CLASP2: variants seen among roughly 807,000 people sequenced by gnomAD.
CLASP2 encodes the protein CLIP-associating protein 2.
A neutral mutation model predicts 194.4 loss-of-function variants in CLASP2; 47 were observed. The observed-to-expected ratio is 0.24, with a 90% confidence interval of 0.19 to 0.31. The LOEUF is 0.31. Ranked by LOEUF, CLASP2 falls within the 10% of genes least tolerant of loss-of-function variation. The pLI is 1.00. For synonymous variants in CLASP2, 619 were observed against 633.5 expected (o/e 0.98, Z 0.34); for missense variants, 1,445 against 1,823.6 (o/e 0.79, Z 3.78).
chr3:33,526,789 C>G (rs2154119403), intron 34 of CLASP2, among the ~76,000 whole-genome samples: 1 of 152,164 alleles, frequency 6.6e-6, no homozygotes, highest in South Asian at 2.1e-4. Flanking sequence ...AAGCTTGGAC[C>G]ACAGCACAAT....
intron 6 of CLASP2, among the ~76,000 whole-genome samples, chr3:33,682,105 CA>C (rs1337545230): frequency 2.0e-5 from 3 of 152,110 alleles, no homozygotes; most frequent in African/African-American, 7.2e-5. Context: ...AATCATGAGC[CA>C]AATAAACGTC....
chr3:33,507,764 G>A (rs573524003), intron 37 of CLASP2, among the ~76,000 whole-genome samples: 6 of 152,182 alleles, frequency 3.9e-5, no homozygotes, highest in South Asian at 2.1e-4. Flanking sequence ...GTTTACAGGC[G>A]TGAGCCACCA....
At chr3:33,712,579 C>T (rs1010559659) in intron 1 of CLASP2, among the ~76,000 whole-genome samples, 2 of 151,966 alleles carry the variant, frequency 1.3e-5, no homozygotes, top group Non-Finnish European at 2.9e-5. Flanking sequence ...ACAGATGTCA[C>T]GTGGGGTGGT....
intron 8 of CLASP2, among the ~76,000 whole-genome samples, chr3:33,634,115 A>G (rs1311943439): frequency 1.3e-5 from 2 of 152,236 alleles, no homozygotes. Context: ...GATCACCTAG[A>G]AAGGAACAAC....
At chr3:33,695,835 T>C (rs1177036105) in intron 2 of CLASP2, among the ~76,000 whole-genome samples, 1 of 152,172 alleles carries the variant, frequency 6.6e-6, no homozygotes, top group Non-Finnish European at 1.5e-5. Flanking sequence ...TACCCTTCTA[T>C]ATGCTATATA....
At position 33,718,091 on chromosome 3, in the gene CLASP2, C is replaced by T; in HGVS notation, c.-89G>A. On this transcript the variant is annotated 5_prime_UTR_variant, in exon 1 of 39. Coordinates refer to ENST00000682230, the MANE Select transcript of CLASP2 (RefSeq NM_001365631.1). Reference sequence around the variant, plus strand: ...CCTCCAGTGCGGGTCCCCGCGGGAGCGGGCGGGACTCACTTAGCCCGCCAG... The same window carrying T: ...CCTCCAGTGCGGGTCCCCGCGGGAGTGGGCGGGACTCACTTAGCCCGCCAG... 2.2e-6 allele frequency: 3 copies of T among 1,347,974 alleles called. No individual in the cohort carries two copies. The highest frequency in any genetic ancestry group is 2.9e-6 in the Non-Finnish European group (3 of 1,036,856). The allele number at this position is 1,347,974 out of a possible 1,614,324, so 83.5% of individuals were successfully genotyped here.
intron 6 of CLASP2, among the ~76,000 whole-genome samples, chr3:33,679,068 A>T (rs2089347521): frequency 6.6e-6 from 1 of 152,206 alleles, no homozygotes; most frequent in African/African-American, 2.4e-5. Context: ...GATCAATGGA[A>T]CAGAAAGAGA....
chr3:33,559,026 G>A (rs2061388033), intron 29 of CLASP2: 4 of 473,730 alleles, frequency 8.4e-6, no homozygotes, highest in Non-Finnish European at 1.5e-5. Context: ...ATGTGTGCAT[G>A]CGTAAAAGGC....
rs796378670 is a variant in CLASP2 at position 33,652,855 on chromosome 3, T to C, written c.716-7952A>G. 1.5e-4 allele frequency among the ~76,000 whole-genome samples: 23 copies of C among 152,320 alleles called. 1 individual carries two copies. Among genetic ancestry groups the C allele is most frequent in the African/African-American group, 5.1e-4 (21 of 41,584 alleles). ...GCTCAGGCTCATAATGTGCTCAAGT[T>C]TTCCTTTGACCCACAGAGATCGTCT... On this transcript the variant is annotated intron_variant, in intron 7 of 38. Transcript: ENST00000682230.
chr3:33,593,690 T>A (rs1281459962), intron 20 of CLASP2, among the ~76,000 whole-genome samples: 1 of 152,158 alleles, frequency 6.6e-6, no homozygotes, highest in Non-Finnish European at 1.5e-5. Context: ...GACACAAAGT[T>A]CTCTTGACTA....
intron 28 of CLASP2, 141 bp from the exon 29 acceptor site, chr3:33,559,526 C>G: frequency 1.6e-6 from 1 of 623,608 alleles, no homozygotes; most frequent in Non-Finnish European, 2.8e-6. Flanking sequence ...GTATAAACTA[C>G]CTGGTATAGT....
chr3:33,714,926 T>A (rs188002647), intron 1 of CLASP2, among the ~76,000 whole-genome samples: 103 of 152,288 alleles, frequency 6.8e-4, no homozygotes, highest in African/African-American at 2.3e-3. Flanking sequence ...TCCACCATAT[T>A]TAGAATAAAA....
intron 6 of CLASP2, among the ~76,000 whole-genome samples, chr3:33,671,824 G>A (rs946367899): frequency 2.0e-5 from 3 of 152,154 alleles, no homozygotes; most frequent in South Asian, 2.1e-4. Flanking sequence ...CTACGCCCAC[G>A]GAGACTCACT....
At chr3:33,675,314 T>C (rs1380910632) in intron 6 of CLASP2, among the ~76,000 whole-genome samples, 2 of 152,164 alleles carry the variant, frequency 1.3e-5, no homozygotes, top group Non-Finnish European at 2.9e-5. Flanking sequence ...TTCCAGCATA[T>C]AAACAGAACC....
Position 33,598,653 on chromosome 3 carries a change from C to T in CLASP2, c.1925-1919G>A, listed in dbSNP as rs547111232. On this transcript the variant is annotated intron_variant, in intron 18 of 38. Transcript: ENST00000682230. ...TTCTTTCAACCACAGATAATTCCTA[C>T]CATTCTTTCACCCCTTTTCTTGACC... Among the ~76,000 whole-genome samples, 4 of 152,300 alleles carry T rather than the reference C, an allele frequency of 2.6e-5. No individual in the cohort carries two copies. The East Asian group carries it at 7.7e-4, about 29-fold the overall frequency.
chr3:33,708,040 A>G (rs1207623264), intron 1 of CLASP2, among the ~76,000 whole-genome samples: 1 of 152,196 alleles, frequency 6.6e-6, no homozygotes, highest in Non-Finnish European at 1.5e-5. Context: ...GCCTAAAGGT[A>G]TCACTAGGGG....
intron 36 of CLASP2, among the ~76,000 whole-genome samples, chr3:33,511,232 G>C (rs2049686966): frequency 6.6e-6 from 1 of 151,868 alleles, no homozygotes; most frequent in Non-Finnish European, 1.5e-5. Context: ...TAGAGATAAG[G>C]TCTTGCTATG....
chr3:33,651,895 G>A (rs1047843312), intron 7 of CLASP2, among the ~76,000 whole-genome samples: 9 of 152,040 alleles, frequency 5.9e-5, no homozygotes, highest in South Asian at 2.1e-4. Context: ...CTGACCTCAG[G>A]TGATCTGCCC....
In CLASP2 at chr3:33,644,914, C is replaced by T; in HGVS notation, c.716-11G>A. ...CATCGAAGCTTTTATCTGCACAAAG[C>T]ATCAGAAAAATGTATTTAAGAGAAC... On this transcript the variant is annotated splice_polypyrimidine_tract_variant and intron_variant, in intron 7 of 38. Transcript: ENST00000682230. 6.3e-7 allele frequency: 1 copy of T among 1,580,212 alleles called. No individual in the cohort carries two copies.
Sources: gnomAD v4.1 joint callset for allele counts (sites outside exome capture counted in the v4.1 genomes callset) on GRCh38, gnomAD v4.1.1 for gene constraint, MANE v1.5 for transcripts, NCBI Gene and HGNC (gene_info 2026-07-23, HGNC 2026-07-21) for gene names.